The following PTAFR variants were observed in gnomAD, a reference collection of about 807,000 sequenced individuals.
PTAFR encodes the protein platelet-activating factor receptor.
PTAFR carries 8 observed loss-of-function variants against 14.7 expected under a neutral mutation model. The ratio of observed to expected loss-of-function variants is 0.54; its 90% confidence interval spans 0.32 to 0.98. PTAFR has a LOEUF of 0.98. PTAFR is among the 50% of genes least tolerant of loss of function. PTAFR has a pLI of 0.04. For synonymous variants in PTAFR, 156 were observed against 176.5 expected (o/e 0.88, Z 0.92); for missense variants, 337 against 451.2 (o/e 0.75, Z 2.29).
At chr1:28,153,471 C>A (rs192864231) in intron 1 of PTAFR, among the ~76,000 whole-genome samples, 1 of 149,620 alleles carries the variant, frequency 6.7e-6, no homozygotes, top group Non-Finnish European at 1.5e-5. Context: ...GTAGGCCAGG[C>A]GTGGTGGCTC....
chr1:28,180,936 T>G (rs1646557264), upstream of PTAFR, among the ~76,000 whole-genome samples: 1 of 152,082 alleles, frequency 6.6e-6, no homozygotes, highest in Non-Finnish European at 1.5e-5. Context: ...ATAGAAAATG[T>G]GGCAAAATAT....
chr1:28,185,902 C>T (rs1646602238), intron 1 of PTAFR, among the ~76,000 whole-genome samples: 1 of 151,998 alleles, frequency 6.6e-6, no homozygotes, highest in African/African-American at 2.4e-5. Context: ...TAGAAAATGA[C>T]ATTATTAAGA....
chr1:28,193,528 G>A (rs575057373), intron 1 of PTAFR, among the ~76,000 whole-genome samples: 28 of 152,140 alleles, frequency 1.8e-4, no homozygotes, highest in Admixed American at 3.3e-4. Context: ...GCCCTGAGGG[G>A]TGAGAGGATT....
intron 1 of PTAFR, among the ~76,000 whole-genome samples, chr1:28,166,282 T>C (rs914089378): frequency 4.6e-5 from 7 of 152,214 alleles, no homozygotes; most frequent in African/African-American, 1.7e-4. Flanking sequence ...TGGGCTCTTA[T>C]CTTACACCAT....
upstream of PTAFR, among the ~76,000 whole-genome samples, chr1:28,181,411 CATG>C (rs1557697592): frequency 6.6e-6 from 1 of 152,150 alleles, no homozygotes; most frequent in African/African-American, 2.4e-5. Context: ...AACAAACGCA[CATG>C]ATAAGAAACA....
In PTAFR at chr1:28,166,625, C is replaced by G. The variant is rs373281081; in HGVS notation, c.-39+9967G>C. ...GGCGGAGGTTGCAGTGAGCCAAGAT[C>G]GTGCCATTGCACTCCAGCCTGGGAA... On this transcript the variant is annotated intron_variant, in intron 1 of 1. Transcript: ENST00000373857. 3.8e-4 allele frequency among the ~76,000 whole-genome samples: 57 copies of G among 151,472 alleles called. 1 individual carries two copies. The South Asian group carries it at 0.011, about 29-fold the overall frequency.
chr1:28,163,933 G>A (rs4908390), intron 1 of PTAFR, among the ~76,000 whole-genome samples: 234 of 152,358 alleles, frequency 1.5e-3, no homozygotes, highest in Middle Eastern at 3.4e-3. Flanking sequence ...CTGATGGATC[G>A]AGGCTGGGCA....
At chr1:28,152,541 G>C (rs1035557357) in intron 1 of PTAFR, among the ~76,000 whole-genome samples, 1 of 151,534 alleles carries the variant, frequency 6.6e-6, no homozygotes, top group Non-Finnish European at 1.5e-5. Context: ...TCAGGAGTTC[G>C]AGACCAGCCT....
In PTAFR at chr1:28,150,057, G is replaced by T; in HGVS notation, c.965C>A (p.Thr322Lys). 6.2e-7 allele frequency: 1 copy of T among 1,614,210 alleles called. No individual in the cohort carries two copies. The highest frequency in any genetic ancestry group is 8.5e-7 in the Non-Finnish European group (1 of 1,180,040). The change falls in exon 2 of 2, where the codon ACG becomes AAG. Residue 322 changes from threonine to lysine, a missense_variant. Coordinates refer to ENST00000373857, the MANE Select transcript of PTAFR (RefSeq NM_000952.5). The surrounding 1 kb of genome is among the most constrained non-coding windows in gnomAD (Gnocchi z 6.3). ...CACAACCACTTCAGTGACCGTATCC[G>T]TGGTGGCCCGGGAGCATTTCCGGCT... ...RSSRKCSRAT[T>K]DTVTEVVVPF... is the part of the protein sequence containing the mutation.
Position 28,150,307 on chromosome 1 carries a change from C to G in PTAFR, c.715G>C (p.Ala239Pro). Residue 239 changes from alanine (A) to proline (P), a missense_variant, in exon 2 of 2, where the codon GCG becomes CCG. Ala to Pro is a conservative substitution (Grantham distance 27). Transcript: ENST00000373857. The surrounding 1 kb of genome is among the most constrained non-coding windows in gnomAD (Gnocchi z 6.3). ...GGCACGAAGCAGATGATGAACACCG[C>G]CAAGACCGTGCACACCATCCACAGC... is the stretch of plus-strand genomic sequence containing the variant. ...RALWMVCTVLAVFIICFVPHH... is the reference protein window; with the variant it reads ...RALWMVCTVLPVFIICFVPHH... 6.2e-7 allele frequency: 1 copy of G among 1,613,430 alleles called. No homozygotes were observed. The highest frequency in any genetic ancestry group is 8.5e-7 in the Non-Finnish European group (1 of 1,179,540).
Position 28,150,548 on chromosome 1 carries a change from G to A in PTAFR, c.474C>T (p.Thr158=), listed in dbSNP as rs145690992. Reference sequence around the variant, plus strand: ...AGCCAGCACTGTCGGGCACTGTGTTGGTGGAGTCCAGGATGAGGAAGTAGG... The same window carrying A: ...AGCCAGCACTGTCGGGCACTGTGTTAGTGGAGTCCAGGATGAGGAAGTAGG... ...AASYFLILDS[T]NTVPDSAGSG... The change falls in exon 2 of 2, where the codon ACC becomes ACT. Residue 158 remains threonine (T), a synonymous_variant. Coordinates refer to ENST00000373857, the MANE Select transcript of PTAFR (RefSeq NM_000952.5). The surrounding 1 kb of genome is among the most constrained non-coding windows in gnomAD (Gnocchi z 6.3). The A allele has an allele frequency of 9.9e-6, 16 of 1,614,074 alleles. No homozygotes were observed. The Admixed American group carries it at 1.7e-4, about 17-fold the overall frequency.
intron 1 of PTAFR, among the ~76,000 whole-genome samples, chr1:28,182,408 G>T (rs116127663): frequency 6.6e-6 from 1 of 151,738 alleles, no homozygotes; most frequent in African/African-American, 2.4e-5. Context: ...AGGCATGGTG[G>T]CTTATACCTA....
intron 1 of PTAFR, among the ~76,000 whole-genome samples, chr1:28,170,110 T>A (rs1331666077): frequency 6.6e-6 from 1 of 152,112 alleles, no homozygotes; most frequent in Non-Finnish European, 1.5e-5. Context: ...AAATTCCACC[T>A]CAAGTTCCCA....
chr1:28,167,122 T>C (rs1646394308), intron 1 of PTAFR, among the ~76,000 whole-genome samples: 1 of 152,112 alleles, frequency 6.6e-6, no homozygotes, highest in Non-Finnish European at 1.5e-5. Context: ...TGGCAAACTT[T>C]AAATAATCTC....
chr1:28,164,056 G>A (rs1002979388), intron 1 of PTAFR, among the ~76,000 whole-genome samples: 5 of 152,050 alleles, frequency 3.3e-5, no homozygotes, highest in African/African-American at 7.2e-5. Context: ...TGCAGCATTC[G>A]GCCCTCATCC....
At chr1:28,152,177 G>A (rs1409628018) in intron 1 of PTAFR, among the ~76,000 whole-genome samples, 4 of 152,068 alleles carry the variant, frequency 2.6e-5, no homozygotes, top group East Asian at 3.9e-4. Context: ...GATTACAGGC[G>A]AGAGCCACCA....
At chr1:28,180,753 T>C (rs1646555702), upstream of PTAFR, among the ~76,000 whole-genome samples, 1 of 152,052 alleles carries the variant, frequency 6.6e-6, no homozygotes, top group Admixed American at 6.6e-5. Flanking sequence ...GATAATGGTG[T>C]TGCAGTTATA....
In PTAFR at chr1:28,149,759, C is replaced by T. The variant is rs2148991479; in HGVS notation, c.*234G>A. 1.9e-6 allele frequency: 1 copy of T among 533,636 alleles called. No individual in the cohort carries two copies. Among genetic ancestry groups the T allele is most frequent in the Middle Eastern group, 5.0e-4 (1 of 1,986 alleles). 33.1% of individuals were successfully genotyped at this position (533,636 alleles called of 1,614,324 possible). On this transcript the variant is annotated 3_prime_UTR_variant, in exon 2 of 2. Transcript: ENST00000373857. ...ATTAAGGGACTCAGGATAAAGTCAT[C>T]AGTCACAGTTACTGTAGTATGCGCC... is the stretch of plus-strand genomic sequence containing the variant.
intron 1 of PTAFR, among the ~76,000 whole-genome samples, chr1:28,162,829 C>CAA (rs529755155): frequency 0.18 from 10,769 of 58,334 alleles, 647 homozygotes; most frequent in Middle Eastern, 0.21. Context: ...ACTTTGTCTC[C>CAA]AAAAAAAAAA....
Sources: allele counts gnomAD v4.1 joint callset (sites outside exome capture counted in the v4.1 genomes callset), GRCh38; gene constraint gnomAD v4.1.1; non-coding constraint Gnocchi (gnomAD v3.1); transcripts MANE v1.5; gene names NCBI Gene and HGNC (gene_info 2026-07-23, HGNC 2026-07-21).